The following CDH4 variants were observed in gnomAD, a reference collection of about 807,000 sequenced individuals.
CDH4 encodes cadherin-4.
CDH4 carries 33 observed loss-of-function variants against 86.0 expected under a neutral mutation model. That is an observed-to-expected ratio of 0.38 (90% CI 0.29 to 0.51). The LOEUF (loss-of-function observed/expected upper bound fraction) is 0.51, where lower values mean the gene tolerates loss of function less well. Ranked by LOEUF, CDH4 falls within the 20% of genes least tolerant of loss-of-function variation. CDH4 has a pLI of 0.86. For missense variants in CDH4, 1,114 were observed against 1,307.4 expected, an observed-to-expected ratio of 0.85 and a Z score of 2.28; for synonymous variants, 555 against 549.4, an observed-to-expected ratio of 1.01 and a Z score of -0.14.
intron 4 of CDH4, among the ~76,000 whole-genome samples, chr20:61,783,743 C>T (rs1266137591): frequency 5.5e-5 from 7 of 127,964 alleles, no homozygotes; most frequent in Non-Finnish European, 1.2e-4. Context: ...TGTCCTGTGC[C>T]CCCGGGAGAA....
At chr20:61,782,628 CTAAG>C (rs140728353) in intron 4 of CDH4, among the ~76,000 whole-genome samples, 1,720 of 152,198 alleles carry the variant, frequency 0.011, 41 homozygotes, top group African/African-American at 0.04. Flanking sequence ...AGGAGAAAAA[CTAAG>C]TAAGACAACA....
chr20:61,775,450 G>A (rs1281500698), intron 4 of CDH4, among the ~76,000 whole-genome samples: 5 of 152,148 alleles, frequency 3.3e-5, no homozygotes, highest in Non-Finnish European at 7.4e-5. Flanking sequence ...TTCTGTGAAG[G>A]GCCAGGTGGT....
At position 61,761,944 on chromosome 20, in the gene CDH4, G is replaced by A. The variant is rs557711462; in HGVS notation, c.397-11059G>A. On this transcript the variant is annotated intron_variant, in intron 3 of 15. Coordinates refer to ENST00000614565, the MANE Select transcript of CDH4 (RefSeq NM_001794.5). ...CTCCGCACAGCAGGCAGCGCCGCAC[G>A]GCAGGCAGCTCCGCACAGCAGGACC... Among the ~76,000 whole-genome samples, 11 of 151,896 alleles carry A rather than the reference G, an allele frequency of 7.2e-5. No individual in the cohort carries two copies. In the East Asian group the frequency reaches 7.7e-4, roughly 11 times the overall value.
intron 2 of CDH4, among the ~76,000 whole-genome samples, chr20:61,394,168 C>G (rs1302999815): frequency 6.6e-6 from 1 of 152,144 alleles, no homozygotes; most frequent in Non-Finnish European, 1.5e-5. Flanking sequence ...TCCTGGGGAA[C>G]ATTTTCCTCT....
At chr20:61,329,479 A>AGTGGATTGCAGCATGC (rs2084559314) in intron 2 of CDH4, among the ~76,000 whole-genome samples, 2 of 151,924 alleles carry the variant, frequency 1.3e-5, no homozygotes, top group African/African-American at 2.4e-5. Flanking sequence ...GGTGGCTGTG[A>AGTGGATTGCAGCATGC]GTGGCTCTTC....
At chr20:61,825,103 C>T (rs1348776100) in intron 4 of CDH4, among the ~76,000 whole-genome samples, 3 of 151,958 alleles carry the variant, frequency 2.0e-5, no homozygotes, top group South Asian at 2.1e-4. Context: ...CTTCACCCCA[C>T]GACTTTAAAA....
At chr20:61,338,282 A>C in intron 2 of CDH4, among the ~76,000 whole-genome samples, 1 of 151,624 alleles carries the variant, frequency 6.6e-6, no homozygotes, top group South Asian at 2.1e-4. Context: ...ATTGGGAAAA[A>C]ATTGAAGAGA....
chr20:61,526,431 G>A (rs1045266940), intron 2 of CDH4, among the ~76,000 whole-genome samples: 1 of 152,002 alleles, frequency 6.6e-6, no homozygotes, highest in African/African-American at 2.4e-5. Context: ...CTCCTCCGAC[G>A]ATGGACTCAT....
At chr20:61,878,980 G>A (rs1984162367) in intron 7 of CDH4, among the ~76,000 whole-genome samples, 1 of 152,256 alleles carries the variant, frequency 6.6e-6, no homozygotes, top group Non-Finnish European at 1.5e-5. Flanking sequence ...GAAATTGAAT[G>A]ATGGTTTATA....
chr20:61,898,960 A>G (rs529936542), intron 8 of CDH4, among the ~76,000 whole-genome samples: 13 of 152,262 alleles, frequency 8.5e-5, no homozygotes, highest in Admixed American at 3.9e-4. Flanking sequence ...GGCTTACAAC[A>G]ATGTCACCAA....
chr20:61,923,234 T>TCCCTCTCTCCTCCC (rs2055003173), intron 9 of CDH4, among the ~76,000 whole-genome samples: 1 of 152,176 alleles, frequency 6.6e-6, no homozygotes, highest in African/African-American at 2.4e-5. Context: ...CTAGACCTCC[T>TCCCTCTCTCCTCCC]CCCTCTCTCC....
chr20:61,452,961 G>C (rs950432725), intron 2 of CDH4, among the ~76,000 whole-genome samples: 2 of 152,168 alleles, frequency 1.3e-5, no homozygotes, highest in African/African-American at 4.8e-5. Flanking sequence ...AGCATAGCTG[G>C]TATTTAATCT....
intron 9 of CDH4, among the ~76,000 whole-genome samples, chr20:61,910,862 C>G (rs2054843391): frequency 6.6e-6 from 1 of 152,228 alleles, no homozygotes; most frequent in Admixed American, 6.5e-5. Flanking sequence ...TTCACTCCCA[C>G]CCCCTAATCT....
At chr20:61,342,824 C>A (rs1216011581) in intron 2 of CDH4, among the ~76,000 whole-genome samples, 1 of 152,230 alleles carries the variant, frequency 6.6e-6, no homozygotes, top group Non-Finnish European at 1.5e-5. Flanking sequence ...GCCCAGGGGG[C>A]AGCAGATTAA....
In CDH4 at chr20:61,325,221, GGA is replaced by G. The variant is rs1491403233; in HGVS notation, c.169+70285_169+70286del. On this transcript the variant is annotated intron_variant, in intron 2 of 15. Transcript: ENST00000614565. ...GGTGGGTCATAAGTAAGTGGTCACT[GGA>G]AAAAAAAAAAAAAGTCTTGGCTTTT... 9.8e-3 allele frequency among the ~76,000 whole-genome samples: 925 copies of G among 94,440 alleles called. 6 individuals carry two copies. Among genetic ancestry groups the G allele is most frequent in the African/African-American group, 0.019 (567 of 30,332 alleles). The allele number at this position is 94,440 out of a possible 152,430, so 62.0% of individuals were successfully genotyped here.
intron 2 of CDH4, among the ~76,000 whole-genome samples, chr20:61,561,027 C>T (rs143852839): frequency 1.0e-3 from 152 of 152,274 alleles, no homozygotes; most frequent in Non-Finnish European, 1.6e-3. Flanking sequence ...GATTATGCCC[C>T]GGGCCCAGGT....
chr20:61,646,788 G>A (rs2087066026), intron 2 of CDH4, among the ~76,000 whole-genome samples: 1 of 152,226 alleles, frequency 6.6e-6, no homozygotes, highest in African/African-American at 2.4e-5. Context: ...TCAAGGAAGG[G>A]CTATGAATTA....
At chr20:61,661,999 T>C (rs539987132) in intron 2 of CDH4, among the ~76,000 whole-genome samples, 1 of 152,292 alleles carries the variant, frequency 6.6e-6, no homozygotes, top group African/African-American at 2.4e-5. Context: ...TACATGTTTT[T>C]TAAAAGGTTA....
chr20:61,739,439 G>A (rs2088306204), intron 2 of CDH4, among the ~76,000 whole-genome samples: 1 of 152,212 alleles, frequency 6.6e-6, no homozygotes, highest in Non-Finnish European at 1.5e-5. Context: ...AGACACGGGA[G>A]GACATGGGAA....
Sources: gnomAD v4.1 joint callset for allele counts (sites outside exome capture counted in the v4.1 genomes callset) on GRCh38, gnomAD v4.1.1 for gene constraint, MANE v1.5 for transcripts, NCBI Gene and HGNC (gene_info 2026-07-23, HGNC 2026-07-21) for gene names.